OGDH: variants seen among roughly 807,000 people sequenced by gnomAD.
The protein encoded by OGDH is oxoglutarate dehydrogenase, also known as 2-oxoglutarate dehydrogenase complex component E1.
Under a neutral mutation model 116.6 loss-of-function variants are expected in OGDH, and 38 were observed. That is an observed-to-expected ratio of 0.33 (90% CI 0.25 to 0.43). The LOEUF is 0.43. Ranked by LOEUF, OGDH falls within the 20% of genes least tolerant of loss-of-function variation. The pLI is 1.00. For missense variants in OGDH, 825 were observed against 1,357.2 expected, an observed-to-expected ratio of 0.61 and a Z score of 6.16; for synonymous variants, 488 against 533.3, an observed-to-expected ratio of 0.92 and a Z score of 1.17.
At chr7:44,676,255 T>G (rs752448757) in intron 9 of OGDH, 106 bp downstream of exon 9, 2 of 1,589,544 alleles carry the variant, frequency 1.3e-6, no homozygotes, top group South Asian at 2.2e-5. Flanking sequence ...ATCTAGACTT[T>G]AAAAAAATAT....
chr7:44,692,979 C>G (rs922325339), intron 10 of OGDH, among the ~76,000 whole-genome samples: 1 of 148,158 alleles, frequency 6.7e-6, no homozygotes, highest in East Asian at 2.0e-4. Flanking sequence ...GCACTCCAGT[C>G]TGGTTGACAG....
Position 44,694,545 on chromosome 7 carries a change from C to A in OGDH, c.1637C>A (p.Ser546Ter), listed in dbSNP as rs117062073. ...VLQKYAELLV[S>*]QGVVNQPEYE... ...CAGAAGTACGCTGAGCTGCTGGTGT[C>A]GCAGGGTGTGGTCAACCAGCCTGAG... Residue 546 changes from serine (S) to a stop codon, truncating the protein, a stop_gained, in exon 12 of 23, where the codon TCG (serine) becomes TAG (stop). Coordinates refer to ENST00000222673, the MANE Select transcript of OGDH (RefSeq NM_002541.4). LOFTEE classifies it high-confidence loss of function. This position sits in a 1 kb window ranked among gnomAD's most constrained non-coding sequence, Gnocchi z 4.2. 1 of 1,614,056 alleles carries A rather than the reference C, an allele frequency of 6.2e-7. No homozygotes were observed. Among genetic ancestry groups the A allele is most frequent in the East Asian group, 2.2e-5 (1 of 44,864 alleles).
chr7:44,704,005 G>A (rs1340515972), intron 20 of OGDH, among the ~76,000 whole-genome samples: 1 of 152,190 alleles, frequency 6.6e-6, no homozygotes, highest in Non-Finnish European at 1.5e-5. Context: ...GATTAGAGGA[G>A]CTGCTATGAA....
intron 1 of OGDH, among the ~76,000 whole-genome samples, chr7:44,611,959 T>C (rs1784584207): frequency 6.6e-6 from 1 of 152,170 alleles, no homozygotes; most frequent in Admixed American, 6.6e-5. Context: ...CTGGGGTACA[T>C]GTGCACAACA....
chr7:44,700,892 T>C (rs1217675843), intron 19 of OGDH, among the ~76,000 whole-genome samples: 1 of 152,056 alleles, frequency 6.6e-6, no homozygotes, highest in Non-Finnish European at 1.5e-5. Context: ...AGCGGGCACT[T>C]GCAGTCCCAG....
At chr7:44,656,203 C>A in intron 4 of OGDH, 1 of 972,602 alleles carries the variant, frequency 1.0e-6, no homozygotes, top group Non-Finnish European at 1.6e-6. Context: ...GGTGTCTGTG[C>A]TACCTGTTAC....
chr7:44,629,332 T>A (rs556239282), intron 2 of OGDH, among the ~76,000 whole-genome samples: 7 of 152,216 alleles, frequency 4.6e-5, no homozygotes, highest in African/African-American at 1.7e-4. Flanking sequence ...CCTGAGGGAG[T>A]GGAAGGAGCT....
chr7:44,617,517 C>T (rs1322506930), intron 1 of OGDH, among the ~76,000 whole-genome samples: 5 of 152,150 alleles, frequency 3.3e-5, no homozygotes, highest in Non-Finnish European at 7.4e-5. Context: ...CTACTTCCCT[C>T]AGCTTATATG....
At chr7:44,617,295 A>C (rs1163821094) in intron 1 of OGDH, among the ~76,000 whole-genome samples, 1 of 152,084 alleles carries the variant, frequency 6.6e-6, no homozygotes, top group African/African-American at 2.4e-5. Flanking sequence ...TGTTACAATT[A>C]CAAAAAGACA....
chr7:44,707,633 A>G lies in OGDH; in HGVS notation c.2848A>G (p.Asn950Asp), dbSNP rs1789143551. 1 of 1,614,126 alleles carries G rather than the reference A, an allele frequency of 6.2e-7. No homozygotes were observed. Among genetic ancestry groups the G allele is most frequent in the Non-Finnish European group, 8.5e-7 (1 of 1,180,024 alleles). ...LLLKEVQKYPNAELAWCQEEH... is the reference protein window; with the variant it reads ...LLLKEVQKYPDAELAWCQEEH... Reference sequence around the variant, plus strand: ...GCTGAAGGAGGTGCAGAAGTACCCCAATGCTGAGCTGGCCTGGTGCCAGGA... The same window carrying G: ...GCTGAAGGAGGTGCAGAAGTACCCCGATGCTGAGCTGGCCTGGTGCCAGGA... Residue 950 changes from asparagine (N) to aspartate (D), a missense_variant, in exon 22 of 23, where the codon AAT becomes GAT. This residue lies in a region of OGDH where 212 missense variants were observed against 284.3 expected (regional missense o/e 0.75). Coordinates refer to ENST00000222673, the MANE Select transcript of OGDH (RefSeq NM_002541.4). This position sits in a 1 kb window ranked among gnomAD's most constrained non-coding sequence, Gnocchi z 5.2.
intron 4 of OGDH, among the ~76,000 whole-genome samples, chr7:44,661,522 C>T (rs1214879436): frequency 6.6e-6 from 1 of 151,826 alleles, no homozygotes; most frequent in Admixed American, 6.6e-5. Flanking sequence ...CTTTTCATTG[C>T]TTTGCTTTCA....
At chr7:44,649,859 T>C (rs990722997) in intron 4 of OGDH, among the ~76,000 whole-genome samples, 1 of 152,192 alleles carries the variant, frequency 6.6e-6, no homozygotes, top group Non-Finnish European at 1.5e-5. Context: ...TATATTTCAC[T>C]CTGGAATAGT....
chr7:44,707,549 C>T lies in OGDH; in HGVS notation c.2797-33C>T, dbSNP rs369569960. 6.2e-7 allele frequency: 1 copy of T among 1,610,810 alleles called. No homozygotes were observed. The highest frequency in any genetic ancestry group is 1.3e-5 in the African/African-American group (1 of 74,842). On this transcript the variant is annotated intron_variant, in intron 21 of 22. Coordinates refer to ENST00000222673, the MANE Select transcript of OGDH (RefSeq NM_002541.4). This position sits in a 1 kb window ranked among gnomAD's most constrained non-coding sequence, Gnocchi z 5.2. Reference sequence around the variant, plus strand: ...TGGATCTTGCCTGCCCTCTGAGTTTCCTCTTTTTGATCTGACCCCTGCTGT... The same window carrying T: ...TGGATCTTGCCTGCCCTCTGAGTTTTCTCTTTTTGATCTGACCCCTGCTGT...
intron 2 of OGDH, among the ~76,000 whole-genome samples, chr7:44,627,700 T>TG (rs1272396018): frequency 6.6e-6 from 1 of 152,170 alleles, no homozygotes; most frequent in Non-Finnish European, 1.5e-5. Context: ...TTTTTTGAGA[T>TG]GGAGTCTCAC....
At chr7:44,703,701 C>T (rs1042637347) in intron 20 of OGDH, among the ~76,000 whole-genome samples, 1 of 151,808 alleles carries the variant, frequency 6.6e-6, no homozygotes, top group Non-Finnish European at 1.5e-5. Flanking sequence ...GCCTGGGTGA[C>T]AGAGACTCCG....
intron 2 of OGDH, among the ~76,000 whole-genome samples, chr7:44,629,580 CTT>C (rs71701992): frequency 1.7e-5 from 1 of 59,998 alleles, no homozygotes. Flanking sequence ...TTTTTCTTTT[CTT>C]TTTTTTTTTT....
intron 10 of OGDH, among the ~76,000 whole-genome samples, chr7:44,691,849 G>A (rs1243051566): frequency 6.6e-6 from 1 of 151,792 alleles, no homozygotes; most frequent in Non-Finnish European, 1.5e-5. Flanking sequence ...CAGGCATGGT[G>A]GCAGGCACCT....
Position 44,707,515 on chromosome 7 carries a change from TC to T in OGDH, c.2797-64del. On this transcript the variant is annotated intron_variant, in intron 21 of 22. Coordinates refer to ENST00000222673, the MANE Select transcript of OGDH (RefSeq NM_002541.4). The surrounding 1 kb of genome is among the most constrained non-coding windows in gnomAD (Gnocchi z 5.2). The stretch of plus-strand genomic sequence containing the variant: ...ACCTTCCCTGCTCGGAACACCAGTT[TC>T]CCTTTGCTGGATCTTGCCTGCCCTC... 2.5e-6 allele frequency: 4 copies of T among 1,602,216 alleles called. No individual in the cohort carries two copies. The highest frequency in any genetic ancestry group is 1.3e-5 in the African/African-American group (1 of 74,744).
Position 44,624,421 on chromosome 7 carries a change from C to T in OGDH, c.78C>T (p.Asn26=), listed in dbSNP as rs752742904. The change falls in exon 2 of 23, where the codon AAC becomes AAT. Residue 26 remains asparagine (N), a synonymous_variant. Transcript: ENST00000222673. ...AGACTGTTAAGACATTTTCACAAAA[C>T]AGACCAGCAGCAGCTAGGACATTTC... ...ASQTVKTFSQ[N]RPAAARTFQQ... is the part of the protein sequence containing the mutation. 11 of 1,602,690 alleles carry T rather than the reference C, an allele frequency of 6.9e-6. No individual in the cohort carries two copies. Among genetic ancestry groups the T allele is most frequent in the South Asian group, 1.1e-5 (1 of 90,856 alleles).
Sources: allele counts gnomAD v4.1 joint callset (sites outside exome capture counted in the v4.1 genomes callset), GRCh38; gene constraint gnomAD v4.1.1; regional missense constraint gnomAD v4.1.1; non-coding constraint Gnocchi (gnomAD v3.1); transcripts MANE v1.5; gene names NCBI Gene and HGNC (gene_info 2026-07-23, HGNC 2026-07-21).